Variants in POGLUT3 observed in about 807,000 individuals in gnomAD.
POGLUT3 encodes the protein KDEL (Lys-Asp-Glu-Leu) containing 2.
A neutral mutation model predicts 54.3 loss-of-function variants in POGLUT3; 48 were observed. The ratio of observed to expected loss-of-function variants is 0.88; its 90% CI spans 0.70 to 1.12. The LOEUF (loss-of-function observed/expected upper bound fraction) is 1.12, where lower values mean the gene tolerates loss of function less well. POGLUT3 is among the 50% of genes most tolerant of loss of function. The probability of loss-of-function intolerance (pLI) is 0.00; values close to 1 mark genes in which losing one functional copy is unlikely to be tolerated. For synonymous variants in POGLUT3, 218 were observed against 237.4 expected (o/e 0.92, Z 0.75); for missense variants, 629 against 618.7 (o/e 1.02, Z -0.18).
In POGLUT3 at chr11:108,486,267, C is replaced by A; in HGVS notation, c.574G>T (p.Ala192Ser). 6.2e-7 allele frequency: 1 copy of A among 1,614,074 alleles called. No individual in the cohort carries two copies. Residue 192 changes from alanine to serine, a missense_variant, in exon 3 of 8, where the codon GCC (alanine) becomes TCC (serine). Physicochemically the swap from Ala to Ser is moderately conservative, Grantham distance 99. Transcript: ENST00000323468. ...TTGAGAATCGTGTAATGAACAATGG[C>A]ACCTCTCTCATCCCCAAACCTTTTG... is the stretch of plus-strand genomic sequence containing the variant. Reference protein sequence around the residue: ...VPKRFGDERGAIVHYTILNNH... With the variant: ...VPKRFGDERGSIVHYTILNNH...
At chr11:108,498,142 G>T in intron 1 of POGLUT3, 23 bp downstream of exon 1, 1 of 1,491,944 alleles carries the variant, frequency 6.7e-7, no homozygotes, top group Non-Finnish European at 8.9e-7. Flanking sequence ...GCGGGACGAG[G>T]GAGGCCGGCG....
chr11:108,477,536 G>T, intron 7 of POGLUT3, 71 bp downstream of exon 7: 3 of 866,582 alleles, frequency 3.5e-6, no homozygotes, highest in Admixed American at 2.3e-5. Context: ...AGCCAGGCAG[G>T]AAGTGTACAG....
intron 3 of POGLUT3, among the ~76,000 whole-genome samples, chr11:108,483,486 T>C (rs2093596628): frequency 6.6e-6 from 1 of 152,138 alleles, no homozygotes; most frequent in African/African-American, 2.4e-5. Flanking sequence ...TAATTATTTG[T>C]TTGTATTCAC....
intron 2 of POGLUT3, among the ~76,000 whole-genome samples, chr11:108,487,143 T>C (rs1045022271): frequency 4.6e-5 from 7 of 152,210 alleles, no homozygotes; most frequent in Admixed American, 3.9e-4. Context: ...AACTTAATTC[T>C]TTCAACCAAC....
intron 3 of POGLUT3, among the ~76,000 whole-genome samples, chr11:108,483,379 G>C (rs1277083489): frequency 1.3e-5 from 2 of 152,092 alleles, no homozygotes; most frequent in Non-Finnish European, 2.9e-5. Flanking sequence ...CATCCTCCAA[G>C]CCCAGATCTA....
chr11:108,488,962 C>G (rs72993806), intron 2 of POGLUT3, among the ~76,000 whole-genome samples: 19,455 of 151,956 alleles, frequency 0.13, 1,441 homozygotes, highest in Non-Finnish European at 0.15. Context: ...ATAATTAGCC[C>G]TAGACTACAC....
chr11:108,481,850 A>G (rs181968174), intron 4 of POGLUT3, among the ~76,000 whole-genome samples, 156 bp downstream of exon 4: 96 of 152,358 alleles, frequency 6.3e-4, no homozygotes, highest in African/African-American at 2.2e-3. Flanking sequence ...AAAACTATAT[A>G]ACTGAGGAAC....
At chr11:108,476,272 T>C (rs1032918114) in intron 7 of POGLUT3, among the ~76,000 whole-genome samples, 4 of 152,190 alleles carry the variant, frequency 2.6e-5, no homozygotes, top group Non-Finnish European at 1.5e-5. Context: ...TAGTTGAGAT[T>C]ACAGGCATGT....
rs374832436 is a variant in POGLUT3 at position 108,491,040 on chromosome 11, G to A, written c.330C>T (p.Val110=). The stretch of plus-strand genomic sequence containing the variant: ...GGACCTCTATCTTCAGGCCTTCATC[G>A]ACAGTTTCATACATCCTATATCTCA... ...FLMRYRMYET[V]DEGLKIEVLY... is the part of the protein sequence containing the mutation. The change falls in exon 2 of 8, where the codon GTC becomes GTT. Residue 110 remains valine, a synonymous_variant. Coordinates refer to ENST00000323468, the MANE Select transcript of POGLUT3 (RefSeq NM_153705.5). 79 of 1,613,944 alleles carry A rather than the reference G, an allele frequency of 4.9e-5. No individual in the cohort carries two copies. Among genetic ancestry groups the A allele is most frequent in the East Asian group, 3.1e-4 (14 of 44,864 alleles).
Position 108,472,757 on chromosome 11 carries a change from C to G in POGLUT3, c.*2070G>C, listed in dbSNP as rs1399770064. On this transcript the variant is annotated 3_prime_UTR_variant, in exon 8 of 8. Coordinates refer to ENST00000323468, the MANE Select transcript of POGLUT3 (RefSeq NM_153705.5). Reference sequence around the variant, plus strand: ...GTTAGGCAACCTTTCTTGCCATAATCCCAGTTTTGACAAGCCTCAAACACA... The same window carrying G: ...GTTAGGCAACCTTTCTTGCCATAATGCCAGTTTTGACAAGCCTCAAACACA... The G allele has an allele frequency of 6.6e-6, 1 of 152,214 alleles. No individual in the cohort carries two copies. The highest frequency in any genetic ancestry group is 2.4e-5 in the African/African-American group (1 of 41,454). The allele number at this position is 152,214 out of a possible 1,614,324, so 9.4% of individuals were successfully genotyped here. A position where few individuals can be genotyped will look rare whatever the true frequency, so the allele number is the denominator to read the frequency against.
chr11:108,490,408 C>T (rs568134653), intron 2 of POGLUT3, among the ~76,000 whole-genome samples: 1 of 151,906 alleles, frequency 6.6e-6, no homozygotes, highest in African/African-American at 2.4e-5. Context: ...ACCATGTTGC[C>T]CAGGCTGGTC....
At chr11:108,481,457 C>G (rs2093592419) in intron 4 of POGLUT3, 81 bp from the exon 5 acceptor site, 2 of 1,101,244 alleles carry the variant, frequency 1.8e-6, no homozygotes, top group Non-Finnish European at 2.5e-6. Flanking sequence ...TTTAATCTAC[C>G]ATTGTCATTT....
At chr11:108,494,125 A>G (rs1017298971) in intron 1 of POGLUT3, among the ~76,000 whole-genome samples, 2 of 152,214 alleles carry the variant, frequency 1.3e-5, no homozygotes, top group East Asian at 1.9e-4. Flanking sequence ...CAAGAAACCA[A>G]TGCTCCAAGA....
chr11:108,477,026 C>T (rs1383684278), intron 7 of POGLUT3, among the ~76,000 whole-genome samples: 1 of 152,112 alleles, frequency 6.6e-6, no homozygotes, highest in African/African-American at 2.4e-5. Context: ...AAAGAGAGCA[C>T]TGAGAAGATG....
At chr11:108,489,127 A>G (rs769523784) in intron 2 of POGLUT3, among the ~76,000 whole-genome samples, 2 of 152,234 alleles carry the variant, frequency 1.3e-5, no homozygotes, top group Non-Finnish European at 2.9e-5. Context: ...AACAGATCGT[A>G]CATTGCAGAA....
rs189117657 is a variant in POGLUT3 at position 108,486,292 on chromosome 11, G to A, written c.549C>T (p.Pro183=). Residue 183 remains proline, a synonymous_variant, in exon 3 of 8, where the codon CCC becomes CCT. Transcript: ENST00000323468. ...CACCTCTCTCATCCCCAAACCTTTT[G>A]GGGACTTCTTTTAGCATTTGCTGGA... ...INLQQMLKEV[P]KRFGDERGAI... 3.1e-6 allele frequency: 5 copies of A among 1,614,044 alleles called. No homozygotes were observed. The highest frequency in any genetic ancestry group is 1.3e-5 in the African/African-American group (1 of 74,976).
chr11:108,485,668 A>ATTTC (rs1219740897), intron 3 of POGLUT3, among the ~76,000 whole-genome samples: 1 of 149,584 alleles, frequency 6.7e-6, no homozygotes, highest in Admixed American at 6.7e-5. Context: ...TTATTTATTT[A>ATTTC]TTTATTTGAG....
In POGLUT3 at chr11:108,491,032, C is replaced by T; in HGVS notation, c.338G>A (p.Gly113Asp). The change falls in exon 2 of 8, where the codon GGC becomes GAC. Residue 113 changes from glycine to aspartate, a missense_variant. By Grantham distance (94) the Gly-to-Asp change is moderately conservative. Coordinates refer to ENST00000323468, the MANE Select transcript of POGLUT3 (RefSeq NM_153705.5). ...RYRMYETVDE[G>D]LKIEVLYGDE... ...ACCATAAAGGACCTCTATCTTCAGG[C>T]CTTCATCGACAGTTTCATACATCCT... is the stretch of plus-strand genomic sequence containing the variant. The T allele has an allele frequency of 1.2e-6, 2 of 1,614,050 alleles. No homozygotes were observed. The highest frequency in any genetic ancestry group is 1.7e-6 in the Non-Finnish European group (2 of 1,179,950).
chr11:108,477,719 G>T lies in POGLUT3; in HGVS notation c.1294-8C>A. 2 of 1,575,262 alleles carry T rather than the reference G, an allele frequency of 1.3e-6. No homozygotes were observed. The highest frequency in any genetic ancestry group is 1.7e-6 in the Non-Finnish European group (2 of 1,145,610). On this transcript the variant is annotated splice_polypyrimidine_tract_variant and splice_region_variant and intron_variant, in intron 6 of 7. Coordinates refer to ENST00000323468, the MANE Select transcript of POGLUT3 (RefSeq NM_153705.5). ...GGCTTCTTCATCATTTTCCTGAAAG[G>T]TTAAAAAAAATAAAAATGAATGAAA...
Sources: allele counts gnomAD v4.1 joint callset (sites outside exome capture counted in the v4.1 genomes callset), GRCh38; gene constraint gnomAD v4.1.1; transcripts MANE v1.5; gene names NCBI Gene and HGNC (gene_info 2026-07-23, HGNC 2026-07-21).